FAT2: variants seen among roughly 807,000 people sequenced by gnomAD.
The protein encoded by FAT2 is protocadherin Fat 2.
FAT2 carries 150 observed loss-of-function variants against 295.3 expected under a neutral mutation model. That is an observed-to-expected ratio of 0.51 (90% CI 0.44 to 0.58). The LOEUF (loss-of-function observed/expected upper bound fraction) is 0.58. Ranked by LOEUF, FAT2 falls within the 20% of genes least tolerant of loss-of-function variation. FAT2 has a pLI of 0.00. For synonymous variants in FAT2, 2,026 were observed against 2,150.3 expected (o/e 0.94, Z 1.60); for missense variants, 4,868 against 5,442.7 (o/e 0.89, Z 3.32).
At chr5:151,577,376 C>T (rs939907402) in intron 1 of FAT2, among the ~76,000 whole-genome samples, 1 of 152,202 alleles carries the variant, frequency 6.6e-6, no homozygotes. Context: ...ATTTAATACT[C>T]ACTGAGGGCC....
rs145872989 is a variant in FAT2 at position 151,566,332 on chromosome 5, G to A, written c.2600C>T (p.Ser867Phe). The change falls in exon 2 of 24, where the codon TCC (serine) becomes TTC (phenylalanine). Residue 867 changes from serine to phenylalanine, a missense_variant. Coordinates refer to ENST00000261800, the MANE Select transcript of FAT2 (RefSeq NM_001447.3). ...YTLLSPTEKF[S>F]LHPLTGELVV... The stretch of plus-strand genomic sequence containing the variant: ...CAGTTCCCCAGTGAGAGGGTGGAGG[G>A]AGAACTTCTCTGTGGGACTTAGCAG... The A allele has an allele frequency of 6.2e-7, 1 of 1,614,120 alleles. No homozygotes were observed. The highest frequency in any genetic ancestry group is 1.1e-5 in the South Asian group (1 of 91,078).
intron 1 of FAT2, among the ~76,000 whole-genome samples, chr5:151,578,084 T>C (rs1758811922): frequency 6.6e-6 from 1 of 151,502 alleles, no homozygotes; most frequent in Non-Finnish European, 1.5e-5. Context: ...TATTTATTCA[T>C]TAGAAGCTCT....
chr5:151,527,988 T>A lies in FAT2; in HGVS notation c.10164+8A>T, dbSNP rs766523078. The A allele has an allele frequency of 1.9e-6, 3 of 1,613,748 alleles. No individual in the cohort carries two copies. Among genetic ancestry groups the A allele is most frequent in the South Asian group, 2.2e-5 (2 of 91,018 alleles). ...GAGCTCAGGGTGCGCCCCTCCCACA[T>A]GACTCACCTGTTCCCGGTCCAGGGC... On this transcript the variant is annotated splice_region_variant and intron_variant, in intron 16 of 23. Coordinates refer to ENST00000261800, the MANE Select transcript of FAT2 (RefSeq NM_001447.3).
At chr5:151,516,054 G>A (rs1351870374) in intron 20 of FAT2, among the ~76,000 whole-genome samples, 1 of 152,108 alleles carries the variant, frequency 6.6e-6, no homozygotes, top group South Asian at 2.1e-4. Context: ...GCTTAAACAT[G>A]CTAAGCATTC....
rs145029623 is a variant in FAT2, at chr5:151,568,663, C to T, written c.269G>A (p.Gly90Asp). Residue 90 changes from glycine to aspartate, a missense_variant, in exon 2 of 24, where the codon GGC (glycine) becomes GAC (aspartate). Physicochemically the swap from Gly to Asp is moderately conservative, Grantham distance 94. This residue lies in a region of FAT2 where 3,297 missense variants were observed against 3,669.4 expected (regional missense o/e 0.90). Transcript: ENST00000261800. ...CCTTATTCTTAGGAAGCAGAAGTTG[C>T]CCACCACATACTCCTCAGTTTTAAA... ...NVFKTEEYVV[G>D]NFCFLRIRTK... is the part of the protein sequence containing the mutation. The T allele has an allele frequency of 1.1e-3, 1,716 of 1,614,178 alleles. 1 individual carries two copies. Among genetic ancestry groups the T allele is most frequent in the Non-Finnish European group, 1.2e-3 (1,429 of 1,180,040 alleles).
rs1194173873 is a variant in FAT2 at position 151,507,481 on chromosome 5, C to T, written c.12190G>A (p.Val4064Ile). Residue 4064 changes from valine (V) to isoleucine (I), a missense_variant, in exon 23 of 24, where the codon GTC (valine) becomes ATC (isoleucine). Around this residue, in one of 5 missense-constraint regions of FAT2, gnomAD observed 492 missense variants for 482.6 expected, o/e 1.02. Coordinates refer to ENST00000261800, the MANE Select transcript of FAT2 (RefSeq NM_001447.3). ...VAVAFIIIST[V>I]GLLFYCRRCK... ...CGGCGGCAGTAGAAGAGAAGCCCGA[C>T]AGTGCTTATGATAATGAACGCCACG... 2 of 1,614,040 alleles carry T rather than the reference C, an allele frequency of 1.2e-6. No individual in the cohort carries two copies. Among genetic ancestry groups the T allele is most frequent in the Admixed American group, 1.7e-5 (1 of 60,008 alleles).
rs755469657 is a variant in FAT2 at position 151,505,609 on chromosome 5, T to C, written c.13006A>G (p.Met4336Val). ...RVPPNYEGSD[M>V]VESDYGSCEE... ...CAGCTGCCATAATCACTCTCCACCA[T>C]GTCAGAGCCCTCATAGTTGGGGGGC... Residue 4336 changes from methionine (M) to valine (V), a missense_variant, in exon 24 of 24, where the codon ATG (methionine) becomes GTG (valine). Coordinates refer to ENST00000261800, the MANE Select transcript of FAT2 (RefSeq NM_001447.3). 1.9e-6 allele frequency: 3 copies of C among 1,614,014 alleles called. No homozygotes were observed. The highest frequency in any genetic ancestry group is 2.7e-5 in the African/African-American group (2 of 74,934).
chr5:151,550,665 T>A lies in FAT2; in HGVS notation c.4503A>T (p.Pro1501=). 6.2e-7 allele frequency: 1 copy of A among 1,614,218 alleles called. No individual in the cohort carries two copies. The highest frequency in any genetic ancestry group is 1.6e-4 in the Middle Eastern group (1 of 6,062). ...PGSASLFQLD[P]SSGVLVTVGK... The stretch of plus-strand genomic sequence containing the variant: ...CCACCGTTACCAGGACACCACTGCT[T>A]GGGTCCAGCTGGAAGAGGCTGGCAC... The change falls in exon 8 of 24, where the codon CCA becomes CCT. Residue 1501 remains proline, a synonymous_variant. Transcript: ENST00000261800.
At chr5:151,577,075 A>G (rs887020681) in intron 1 of FAT2, among the ~76,000 whole-genome samples, 4 of 152,260 alleles carry the variant, frequency 2.6e-5, no homozygotes, top group Non-Finnish European at 5.9e-5. Flanking sequence ...CCAAAATGTC[A>G]TGATGTGCTA....
Position 151,521,941 on chromosome 5 carries a change from C to G in FAT2, c.10652G>C (p.Gly3551Ala), listed in dbSNP as rs1753505594. The G allele has an allele frequency of 6.2e-7, 1 of 1,614,050 alleles. No individual in the cohort carries two copies. Among genetic ancestry groups the G allele is most frequent in the African/African-American group, 1.3e-5 (1 of 74,924 alleles). The change falls in exon 19 of 24, where the codon GGT (glycine) becomes GCT (alanine). Residue 3551 changes from glycine to alanine, a missense_variant. Physicochemically the swap from Gly to Ala is moderately conservative, Grantham distance 60. This residue lies in a region of FAT2 where 1,046 missense variants were observed against 1,210.1 expected (regional missense o/e 0.86). Transcript: ENST00000261800. Reference protein sequence around the residue: ...GEDEFQGGMVGKIHATDRDPQ... With the variant: ...GEDEFQGGMVAKIHATDRDPQ... ...GTCTCGGTCTGTGGCATGGATCTTACCCACCATGCCACCCTGGAACTCATC... is the reference window on the plus strand; with the variant it reads ...GTCTCGGTCTGTGGCATGGATCTTAGCCACCATGCCACCCTGGAACTCATC...
intron 1 of FAT2, among the ~76,000 whole-genome samples, chr5:151,579,226 T>C (rs574412542): frequency 6.6e-6 from 1 of 152,278 alleles, no homozygotes; most frequent in East Asian, 1.9e-4. Flanking sequence ...TTGTATATTG[T>C]ACTTGAAAAT....
chr5:151,511,931 A>G (rs1761353395), intron 21 of FAT2: 1 of 558,346 alleles, frequency 1.8e-6, no homozygotes, highest in Admixed American at 3.1e-5. Context: ...GTCCCCATTC[A>G]TATCCTCCCT....
chr5:151,558,333 C>T (rs548041139), intron 3 of FAT2, among the ~76,000 whole-genome samples: 1 of 152,152 alleles, frequency 6.6e-6, no homozygotes, highest in African/African-American at 2.4e-5. Context: ...GGCAGCTTGT[C>T]GCCTGGGCAC....
chr5:151,551,848 A>G (rs529549818), intron 6 of FAT2, among the ~76,000 whole-genome samples: 1 of 152,322 alleles, frequency 6.6e-6, no homozygotes, highest in East Asian at 1.9e-4. Flanking sequence ...ATAAACTATA[A>G]GAATCCAAAT....
chr5:151,569,363 T>G (rs1549918), intron 1 of FAT2, among the ~76,000 whole-genome samples: 7,460 of 152,248 alleles, frequency 0.049, 247 homozygotes, highest in East Asian at 0.094. Context: ...GAACTCCCCT[T>G]TGTAAAACCA....
chr5:151,559,621 G>T (rs1012095578), intron 3 of FAT2, among the ~76,000 whole-genome samples: 1 of 150,864 alleles, frequency 6.6e-6, no homozygotes, highest in African/African-American at 2.4e-5. Flanking sequence ...TTCTCCCCCT[G>T]TGCCTCTGAA....
At chr5:151,515,476 T>C (rs1752762916) in intron 20 of FAT2, among the ~76,000 whole-genome samples, 1 of 152,136 alleles carries the variant, frequency 6.6e-6, no homozygotes, top group African/African-American at 2.4e-5. Context: ...CCAGATCCAC[T>C]TGGAGGTCTA....
At chr5:151,526,043 A>G (rs2127585136) in intron 17 of FAT2, 78 bp from the exon 18 acceptor site, 2 of 1,384,474 alleles carry the variant, frequency 1.4e-6, no homozygotes, top group East Asian at 4.9e-5. Flanking sequence ...TGGGTATGTC[A>G]TCTGGAATGA....
chr5:151,539,660 A>G (rs371530379), intron 11 of FAT2, among the ~76,000 whole-genome samples: 21 of 152,332 alleles, frequency 1.4e-4, no homozygotes, highest in African/African-American at 4.8e-4. Context: ...AACTTTATCT[A>G]TAAACTTTGA....
Sources: allele counts gnomAD v4.1 joint callset (sites outside exome capture counted in the v4.1 genomes callset), GRCh38; gene constraint gnomAD v4.1.1; regional missense constraint gnomAD v4.1.1; transcripts MANE v1.5; gene names NCBI Gene and HGNC (gene_info 2026-07-23, HGNC 2026-07-21).